The following TRIM33 variants were observed in gnomAD, a reference collection of about 807,000 sequenced individuals.
TRIM33 encodes E3 ubiquitin-protein ligase TRIM33.
In TRIM33, 20 loss-of-function variants were observed where a neutral mutation model predicts 125.4. The ratio of observed to expected loss-of-function variants is 0.16; its 90% CI spans 0.11 to 0.23. The LOEUF is 0.23. TRIM33 is among the 10% of genes least tolerant of loss of function. TRIM33 has a pLI of 1.00. For synonymous variants in TRIM33, 564 were observed against 513.9 expected, an observed-to-expected ratio of 1.10 and a Z score of -1.32; for missense variants, 920 against 1,411.4, an observed-to-expected ratio of 0.65 and a Z score of 5.58.
Position 114,399,553 on chromosome 1 carries a change from CT to C in TRIM33, c.3023del (p.Lys1008ArgfsTer23). The C allele has an allele frequency of 6.2e-7, 1 of 1,611,626 alleles. No homozygotes were observed. Among genetic ancestry groups the C allele is most frequent in the South Asian group, 1.1e-5 (1 of 90,966 alleles). On this transcript the variant is annotated frameshift_variant, in exon 18 of 20. Coordinates refer to ENST00000358465, the MANE Select transcript of TRIM33 (RefSeq NM_015906.4). LOFTEE classifies it high-confidence loss of function. ...KKPMDLSTVKKKLQKKHSQHY... is the reference protein window; with the variant it reads ...KKPMDLSTVKXKLQKKHSQHY... Reference sequence around the variant, plus strand: ...GTTGGGAATGTTTTTTCTGAAGCTTCTTTTTCACGGTGGATAAATCCATTGG... The same window carrying C: ...GTTGGGAATGTTTTTTCTGAAGCTTCTTTTCACGGTGGATAAATCCATTGG...
Position 114,425,662 on chromosome 1 carries a change from T to C in TRIM33, c.1482A>G (p.Gln494=), listed in dbSNP as rs1647518754. Residue 494 remains glutamine, a synonymous_variant, in exon 9 of 20, where the codon CAA becomes CAG. Transcript: ENST00000358465. ...PGYTPNVVVG[Q]VPPGTNHISK... ...TAATGTGGTTTGTCCCTGGAGGAAC[T>C]TGCCCAACTACAACATTAGGAGTAT... 10 of 1,614,206 alleles carry C rather than the reference T, an allele frequency of 6.2e-6. No individual in the cohort carries two copies. The highest frequency in any genetic ancestry group is 1.1e-5 in the South Asian group (1 of 91,082).
chr1:114,438,858 T>C (rs1648471938), intron 4 of TRIM33, among the ~76,000 whole-genome samples: 1 of 152,236 alleles, frequency 6.6e-6, no homozygotes, highest in Non-Finnish European at 1.5e-5. Context: ...TTAGAATTTA[T>C]CTTGTTGCAA....
chr1:114,463,385 G>T (rs1650106213), intron 3 of TRIM33, 27 bp downstream of exon 3: 2 of 1,588,370 alleles, frequency 1.3e-6, no homozygotes, highest in African/African-American at 1.4e-5. Flanking sequence ...TGTAATCATT[G>T]TAATGATTAC....
intron 6 of TRIM33, 121 bp from the exon 7 acceptor site, chr1:114,428,015 C>A: frequency 1.0e-6 from 1 of 982,580 alleles, no homozygotes. Flanking sequence ...TGAATAAGCT[C>A]CATGATTATT....
intron 1 of TRIM33, among the ~76,000 whole-genome samples, chr1:114,498,125 T>TTA (rs1652485422): frequency 2.2e-5 from 1 of 44,948 alleles, no homozygotes; most frequent in Non-Finnish European, 4.2e-5. Flanking sequence ...AGACTCTGTC[T>TTA]CAAAAAAAAA....
chr1:114,438,786 C>A (rs1648467503), intron 4 of TRIM33, among the ~76,000 whole-genome samples: 1 of 152,116 alleles, frequency 6.6e-6, no homozygotes, highest in Non-Finnish European at 1.5e-5. Context: ...TTAAGGCATA[C>A]TAAGGATTTA....
intron 1 of TRIM33, among the ~76,000 whole-genome samples, chr1:114,470,659 C>CAAA (rs1270513422): frequency 1.3e-5 from 2 of 152,094 alleles, no homozygotes; most frequent in Non-Finnish European, 2.9e-5. Context: ...ACAACAACAA[C>CAAA]AACAAGTCAA....
chr1:114,486,150 C>T (rs534478871), intron 1 of TRIM33, among the ~76,000 whole-genome samples: 4 of 152,002 alleles, frequency 2.6e-5, no homozygotes, highest in Non-Finnish European at 4.4e-5. Context: ...GTGGCACACA[C>T]CTGTAGTCCC....
chr1:114,425,399 T>A (rs755460770), intron 9 of TRIM33, 50 bp downstream of exon 9: 3 of 1,588,694 alleles, frequency 1.9e-6, no homozygotes, highest in Non-Finnish European at 1.7e-6. Context: ...AAAAGTGTAG[T>A]GTTGAGGGCT....
chr1:114,444,230 G>A (rs571385057), intron 4 of TRIM33, among the ~76,000 whole-genome samples: 2 of 152,186 alleles, frequency 1.3e-5, no homozygotes, highest in East Asian at 3.9e-4. Flanking sequence ...GGGAACAGAG[G>A]GTAGATAGAG....
intron 15 of TRIM33, among the ~76,000 whole-genome samples, 196 bp from the exon 16 acceptor site, chr1:114,403,079 T>G (rs1445608956): frequency 6.6e-6 from 1 of 152,196 alleles, no homozygotes; most frequent in African/African-American, 2.4e-5. Context: ...ACGCATCAAT[T>G]GATTACTTTC....
chr1:114,418,469 A>G (rs765710000), intron 11 of TRIM33, among the ~76,000 whole-genome samples: 9 of 152,142 alleles, frequency 5.9e-5, no homozygotes, highest in Non-Finnish European at 7.3e-5. Context: ...TGGGCTTGAG[A>G]CAAGCTGACT....
chr1:114,511,195 G>C lies in TRIM33; in HGVS notation c.-119C>G, dbSNP rs1250222443. The stretch of plus-strand genomic sequence containing the variant: ...GAGCGGCAGCCGAGAGCTAGCGAGA[G>C]AGCGAACCAACGAGAGCGCGCGCGC... On this transcript the variant is annotated 5_prime_UTR_variant, in exon 1 of 20. Coordinates refer to ENST00000358465, the MANE Select transcript of TRIM33 (RefSeq NM_015906.4). The C allele has an allele frequency of 1.0e-6, 1 of 970,314 alleles. No individual in the cohort carries two copies. Among genetic ancestry groups the C allele is most frequent in the East Asian group, 9.1e-5 (1 of 10,988 alleles). The allele number at this position is 970,314 out of a possible 1,614,324, so 60.1% of individuals were successfully genotyped here. A position where few individuals can be genotyped will look rare whatever the true frequency, so the allele number is the denominator to read the frequency against.
chr1:114,399,706 A>T, intron 17 of TRIM33, 97 bp from the exon 18 acceptor site: 2 of 1,082,712 alleles, frequency 1.8e-6, no homozygotes, highest in Non-Finnish European at 2.7e-6. Flanking sequence ...GAAAAAAATT[A>T]TTATAGAGCC....
rs200091865 is a variant in TRIM33, at chr1:114,425,440, G to A, written c.1695+9C>T. The stretch of plus-strand genomic sequence containing the variant: ...ATTTCTATCAATAATGTAGTAACAC[G>A]ATACTTACCTGTTGTTGTAACATCT... On this transcript the variant is annotated intron_variant, in intron 9 of 19. Coordinates refer to ENST00000358465, the MANE Select transcript of TRIM33 (RefSeq NM_015906.4). The A allele has an allele frequency of 8.6e-4, 1,380 of 1,612,674 alleles. 17 individuals are homozygous for A. Among genetic ancestry groups the A allele is most frequent in the Middle Eastern group, 6.6e-4 (4 of 6,054 alleles).
At chr1:114,405,151 G>C (rs1652154008) in intron 15 of TRIM33, 1 of 323,786 alleles carries the variant, frequency 3.1e-6, no homozygotes, top group Non-Finnish European at 5.6e-6. Context: ...TATTAATTTA[G>C]AGTTTTATCT....
chr1:114,432,817 C>G (rs183421166), intron 5 of TRIM33, among the ~76,000 whole-genome samples: 78 of 152,132 alleles, frequency 5.1e-4, no homozygotes, highest in Non-Finnish European at 1.5e-4. Context: ...GTGTAAAGTA[C>G]TATTTTCATT....
At chr1:114,480,060 T>C (rs1045595457) in intron 1 of TRIM33, among the ~76,000 whole-genome samples, 6 of 152,222 alleles carry the variant, frequency 3.9e-5, no homozygotes, top group Admixed American at 6.5e-5. Flanking sequence ...TGGGGAAAGA[T>C]AGAGAAATCA....
At chr1:114,439,968 T>C (rs1648554530) in intron 4 of TRIM33, among the ~76,000 whole-genome samples, 1 of 152,198 alleles carries the variant, frequency 6.6e-6, no homozygotes, top group Non-Finnish European at 1.5e-5. Flanking sequence ...GTGATAAAGA[T>C]GTTCACTATT....
Sources: gnomAD v4.1 joint callset for allele counts (sites outside exome capture counted in the v4.1 genomes callset) on GRCh38, gnomAD v4.1.1 for gene constraint, MANE v1.5 for transcripts, NCBI Gene and HGNC (gene_info 2026-07-23, HGNC 2026-07-21) for gene names.